Variants in SLC35F3 observed in about 807,000 individuals in gnomAD.
SLC35F3 encodes solute carrier family 35 member F3, also known as putative thiamine transporter SLC35F3.
Under a neutral mutation model 49.9 loss-of-function variants are expected in SLC35F3, and 25 were observed. That is an observed-to-expected ratio of 0.50 (90% CI 0.37 to 0.70). SLC35F3 has a LOEUF of 0.70. Among genes scored for constraint, SLC35F3 ranks in the 30% least tolerant of loss-of-function variants. SLC35F3 has a pLI of 0.00. For missense variants in SLC35F3, 525 were observed against 639.8 expected (o/e 0.82, Z 1.94); for synonymous variants, 275 against 265.4 (o/e 1.04, Z -0.35).
Position 234,044,329 on chromosome 1 carries a change from A to T in SLC35F3, c.283+138571A>T, listed in dbSNP as rs1466405142. ...CTTTATAAATTACCCAGCCTCAGGGATTCTGTTATAGCAACACAAAATGGG... is the reference window on the plus strand; with the variant it reads ...CTTTATAAATTACCCAGCCTCAGGGTTTCTGTTATAGCAACACAAAATGGG... On this transcript the variant is annotated intron_variant, in intron 2 of 7. Coordinates refer to ENST00000366618, the MANE Select transcript of SLC35F3 (RefSeq NM_173508.4). 2.0e-5 allele frequency among the ~76,000 whole-genome samples: 3 copies of T among 152,192 alleles called. No individual in the cohort carries two copies. In the South Asian group the frequency reaches 6.2e-4, roughly 32 times the overall value.
chr1:234,068,866 A>G (rs147250894), intron 2 of SLC35F3, among the ~76,000 whole-genome samples: 3 of 102,108 alleles, frequency 2.9e-5, no homozygotes, highest in Non-Finnish European at 3.9e-5. Flanking sequence ...TGGCATATTT[A>G]TATATATTTT....
intron 2 of SLC35F3, among the ~76,000 whole-genome samples, chr1:234,114,168 C>G (rs1332177519): frequency 6.6e-6 from 1 of 152,180 alleles, no homozygotes; most frequent in Non-Finnish European, 1.5e-5. Context: ...TCCAGCACAC[C>G]ACTGCATGCC....
chr1:233,951,555 G>A (rs957070239), intron 2 of SLC35F3, among the ~76,000 whole-genome samples: 9 of 152,058 alleles, frequency 5.9e-5, no homozygotes, highest in Non-Finnish European at 1.2e-4. Context: ...TACAGCAGGG[G>A]TTCCCAACTC....
chr1:234,164,873 C>A (rs1401149765), intron 2 of SLC35F3, among the ~76,000 whole-genome samples: 1 of 151,976 alleles, frequency 6.6e-6, no homozygotes, highest in East Asian at 1.9e-4. Flanking sequence ...GACATTATTT[C>A]CTGTGTTTTG....
At chr1:234,115,427 C>T (rs1300793817) in intron 2 of SLC35F3, among the ~76,000 whole-genome samples, 1 of 152,148 alleles carries the variant, frequency 6.6e-6, no homozygotes, top group Non-Finnish European at 1.5e-5. Context: ...CTTTGCCAAC[C>T]CAAAGCATTT....
At chr1:234,029,975 T>C (rs935768750) in intron 2 of SLC35F3, among the ~76,000 whole-genome samples, 3 of 152,212 alleles carry the variant, frequency 2.0e-5, no homozygotes, top group African/African-American at 7.2e-5. Flanking sequence ...CCATGCTTCT[T>C]GGCCAAAGAG....
At chr1:234,253,501 A>G (rs1667770553) in intron 3 of SLC35F3, among the ~76,000 whole-genome samples, 1 of 152,054 alleles carries the variant, frequency 6.6e-6, no homozygotes, top group Non-Finnish European at 1.5e-5. Context: ...TTGAATATTC[A>G]TTTAAAACCT....
intron 2 of SLC35F3, among the ~76,000 whole-genome samples, chr1:234,089,772 C>T (rs1665013205): frequency 6.6e-6 from 1 of 151,948 alleles, no homozygotes; most frequent in Non-Finnish European, 1.5e-5. Flanking sequence ...GCTCTGTCCA[C>T]CTATAAATAT....
At chr1:234,286,430 G>T (rs1488489939) in intron 3 of SLC35F3, among the ~76,000 whole-genome samples, 1 of 152,246 alleles carries the variant, frequency 6.6e-6, no homozygotes, top group East Asian at 1.9e-4. Context: ...GCCACAGGTG[G>T]GAAAGGGATT....
At chr1:234,182,856 CT>C (rs1350927333) in intron 2 of SLC35F3, among the ~76,000 whole-genome samples, 1 of 152,130 alleles carries the variant, frequency 6.6e-6, no homozygotes, top group East Asian at 1.9e-4. Flanking sequence ...TTGCATTTCT[CT>C]TCCTGTGAAC....
chr1:234,183,727 T>C (rs962506476), intron 2 of SLC35F3, among the ~76,000 whole-genome samples: 3 of 142,952 alleles, frequency 2.1e-5, no homozygotes, highest in African/African-American at 7.3e-5. Context: ...TCCCATTATT[T>C]AATAATGGTG....
intron 2 of SLC35F3, among the ~76,000 whole-genome samples, chr1:233,991,846 A>G (rs936511802): frequency 1.3e-5 from 2 of 152,164 alleles, no homozygotes; most frequent in African/African-American, 4.8e-5. Flanking sequence ...TTAATTTTAT[A>G]TTATTACCTG....
intron 2 of SLC35F3, among the ~76,000 whole-genome samples, chr1:233,940,818 G>C (rs976462459): frequency 4.0e-5 from 6 of 149,414 alleles, no homozygotes; most frequent in African/African-American, 1.5e-4. Flanking sequence ...TTGGTTTTCT[G>C]TGTGATGGAT....
Position 233,975,838 on chromosome 1 carries a change from A to AG in SLC35F3, c.283+70081dup, listed in dbSNP as rs553971514. ...GCAGGGGTGGAACTGGACAGCCCTT[A>AG]GACCTGCCTGTACTGGCTTTCTGCT... is the stretch of plus-strand genomic sequence containing the variant. On this transcript the variant is annotated intron_variant, in intron 2 of 7. Coordinates refer to ENST00000366618, the MANE Select transcript of SLC35F3 (RefSeq NM_173508.4). Among the ~76,000 whole-genome samples, 332 of 152,318 alleles carry AG rather than the reference A, an allele frequency of 2.2e-3. 2 individuals are homozygous for AG. Among genetic ancestry groups the AG allele is most frequent in the African/African-American group, 7.6e-3 (317 of 41,574 alleles).
At chr1:234,037,299 A>C (rs1254437328) in intron 2 of SLC35F3, among the ~76,000 whole-genome samples, 2 of 152,192 alleles carry the variant, frequency 1.3e-5, no homozygotes, top group Non-Finnish European at 2.9e-5. Context: ...TGCTTTTAGC[A>C]ATCAGTTCTT....
rs751420147 is a variant in SLC35F3, at chr1:233,912,906, A to G, written c.283+7148A>G. ...CCATGGAAAAGGGAGGACTCTTCCAATGTCTGTACAGCTGGCATCTATTAA... is the reference window on the plus strand; with the variant it reads ...CCATGGAAAAGGGAGGACTCTTCCAGTGTCTGTACAGCTGGCATCTATTAA... On this transcript the variant is annotated intron_variant, in intron 2 of 7. Coordinates refer to ENST00000366618, the MANE Select transcript of SLC35F3 (RefSeq NM_173508.4). 1.3e-4 allele frequency among the ~76,000 whole-genome samples: 20 copies of G among 152,236 alleles called. 1 individual carries two copies. Among genetic ancestry groups the G allele is most frequent in the Admixed American group, 2.0e-4 (3 of 15,284 alleles).
chr1:233,947,062 G>C (rs1662523827), intron 2 of SLC35F3, among the ~76,000 whole-genome samples: 1 of 152,180 alleles, frequency 6.6e-6, no homozygotes, highest in South Asian at 2.1e-4. Context: ...TCTGCCATCT[G>C]TTACCATGGA....
chr1:234,252,318 C>T (rs377185872), intron 3 of SLC35F3, among the ~76,000 whole-genome samples: 1 of 152,142 alleles, frequency 6.6e-6, no homozygotes, highest in African/African-American at 2.4e-5. Context: ...GATTCGCCCA[C>T]CTCAGCCTTC....
chr1:234,275,259 A>G (rs1412771960), intron 3 of SLC35F3, among the ~76,000 whole-genome samples: 1 of 152,080 alleles, frequency 6.6e-6, no homozygotes, highest in Non-Finnish European at 1.5e-5. Flanking sequence ...AGAAACGTAA[A>G]TGGTTTTCTT....
Sources: allele counts gnomAD v4.1 joint callset (sites outside exome capture counted in the v4.1 genomes callset), GRCh38; gene constraint gnomAD v4.1.1; transcripts MANE v1.5; gene names NCBI Gene and HGNC (gene_info 2026-07-23, HGNC 2026-07-21).